CGRRF1: variants seen among roughly 807,000 people sequenced by gnomAD.
CGRRF1 encodes cell growth regulator with ring finger domain 1.
CGRRF1 carries 32 observed loss-of-function variants against 37.2 expected under a neutral mutation model. That is an observed-to-expected ratio of 0.86 (90% confidence interval 0.65 to 1.16). The LOEUF is 1.16. CGRRF1 is among the 50% of genes most tolerant of loss of function. CGRRF1 has a pLI of 0.00. For missense variants in CGRRF1, 391 were observed against 382.6 expected (o/e 1.02, Z -0.18); for synonymous variants, 141 against 140.3 (o/e 1.00, Z -0.04).
At chr14:54,518,734 C>T (rs777536472) in intron 1 of CGRRF1, among the ~76,000 whole-genome samples, 34 of 152,114 alleles carry the variant, frequency 2.2e-4, no homozygotes, top group Non-Finnish European at 3.5e-4. Context: ...TTGTTGGCTG[C>T]ATGAATGTCT....
At position 54,515,745 on chromosome 14, in the gene CGRRF1, T is replaced by C. The variant is rs979905190; in HGVS notation, c.104+5682T>C. 7.2e-5 allele frequency among the ~76,000 whole-genome samples: 11 copies of C among 152,350 alleles called. 1 individual carries two copies. In the East Asian group the frequency reaches 1.5e-3, roughly 21 times the overall value. ...TAATGTAGCTACTTCAGCTTTCTTT[T>C]GATTAGTGTTAGCATATACATCTTT... On this transcript the variant is annotated intron_variant, in intron 1 of 5. Coordinates refer to ENST00000216420, the MANE Select transcript of CGRRF1 (RefSeq NM_006568.3).
At chr14:54,521,479 C>T (rs904644778) in intron 1 of CGRRF1, among the ~76,000 whole-genome samples, 2 of 151,678 alleles carry the variant, frequency 1.3e-5, no homozygotes, top group Admixed American at 6.6e-5. Context: ...AAAAAAGTTC[C>T]GTTGTCCCAT....
At chr14:54,533,033 TC>T (rs1008089628) in intron 4 of CGRRF1, among the ~76,000 whole-genome samples, 10 of 151,844 alleles carry the variant, frequency 6.6e-5, no homozygotes, top group South Asian at 2.1e-4. Context: ...TCATTTTCCC[TC>T]CCAGCTTCCC....
intron 1 of CGRRF1, among the ~76,000 whole-genome samples, chr14:54,511,402 A>G (rs2140051867): frequency 6.6e-6 from 1 of 152,350 alleles, no homozygotes; most frequent in African/African-American, 2.4e-5. Context: ...GCTAATGTTC[A>G]TTACACAAAA....
At chr14:54,529,912 G>A (rs17127622) in intron 2 of CGRRF1, 137 bp from the exon 3 acceptor site, 36,683 of 582,916 alleles carry the variant, frequency 0.063, 2,328 homozygotes, top group East Asian at 0.27. Context: ...TTTATAGGAG[G>A]CATACCCTTT....
At position 54,509,949 on chromosome 14, in the gene CGRRF1, G is replaced by T. The variant is rs774726687; in HGVS notation, c.-11G>T. On this transcript the variant is annotated 5_prime_UTR_variant, in exon 1 of 6. Transcript: ENST00000216420. The stretch of plus-strand genomic sequence containing the variant: ...CGGCTGGAGCCGGGCTCTACCCAGA[G>T]CAAGACCCTGATGGCTGCGGTGTTT... The T allele has an allele frequency of 6.2e-7, 1 of 1,603,320 alleles. No individual in the cohort carries two copies. Among genetic ancestry groups the T allele is most frequent in the African/African-American group, 1.3e-5 (1 of 74,716 alleles).
intron 2 of CGRRF1, among the ~76,000 whole-genome samples, chr14:54,529,606 G>A (rs1164613426): frequency 6.6e-6 from 1 of 152,128 alleles, no homozygotes; most frequent in African/African-American, 2.4e-5. Flanking sequence ...TTACAACAGC[G>A]ATCATGTTGT....
At chr14:54,519,666 G>C (rs948548627) in intron 1 of CGRRF1, among the ~76,000 whole-genome samples, 14 of 152,152 alleles carry the variant, frequency 9.2e-5, no homozygotes, top group Non-Finnish European at 2.1e-4. Context: ...AGCCTATGCT[G>C]GTCTCCTTAG....
rs1041624100 is a variant in CGRRF1 at position 54,534,737 on chromosome 14, A to T, written c.571-2985A>T. The stretch of plus-strand genomic sequence containing the variant: ...TGTGTGTATTGATTGATTGGTTGAG[A>T]TAGGATCTTGCTCTATCACCAGGCT... On this transcript the variant is annotated intron_variant, in intron 4 of 5. Coordinates refer to ENST00000216420, the MANE Select transcript of CGRRF1 (RefSeq NM_006568.3). Among the ~76,000 whole-genome samples the T allele has an allele frequency of 4.6e-5, 7 of 152,224 alleles. 1 individual carries two copies. The highest frequency in any genetic ancestry group is 6.5e-5 in the Admixed American group (1 of 15,282).
At chr14:54,523,542 CTT>C (rs1225591124) in intron 2 of CGRRF1, among the ~76,000 whole-genome samples, 6 of 136,344 alleles carry the variant, frequency 4.4e-5, no homozygotes, top group Admixed American at 7.9e-5. Context: ...TTCCTTCCTC[CTT>C]TTTTTTTTTT....
chr14:54,512,171 C>G (rs994274270), intron 1 of CGRRF1, among the ~76,000 whole-genome samples: 1 of 152,176 alleles, frequency 6.6e-6, no homozygotes, highest in African/African-American at 2.4e-5. Flanking sequence ...ACCATCTCTA[C>G]TGTTCATGTG....
chr14:54,537,821 G>T lies in CGRRF1; in HGVS notation c.670G>T (p.Asp224Tyr), dbSNP rs1594659227. The stretch of plus-strand genomic sequence containing the variant: ...ACTCTTGGCTCAAGGTCAATTTCAT[G>T]ATCTTAAGGTAAGCCGTACTCTGTA... ...YLLLAQGQFH[D>Y]LKQLFMSANN... Residue 224 changes from aspartate (D) to tyrosine (Y), a missense_variant, in exon 5 of 6, where the codon GAT (aspartate) becomes TAT (tyrosine). Transcript: ENST00000216420. The T allele has an allele frequency of 6.2e-7, 1 of 1,601,718 alleles. No homozygotes were observed. The highest frequency in any genetic ancestry group is 8.5e-7 in the Non-Finnish European group (1 of 1,177,052).
At chr14:54,528,130 C>CT (rs930504638) in intron 2 of CGRRF1, among the ~76,000 whole-genome samples, 11 of 149,498 alleles carry the variant, frequency 7.4e-5, no homozygotes, top group African/African-American at 2.0e-4. Context: ...CTCTACCTTG[C>CT]TTTTTTTTCA....
At chr14:54,516,929 C>G (rs1382586445) in intron 1 of CGRRF1, among the ~76,000 whole-genome samples, 1 of 152,080 alleles carries the variant, frequency 6.6e-6, no homozygotes, top group African/African-American at 2.4e-5. Flanking sequence ...TGTGCAATAC[C>G]TAATCTGCTG....
In CGRRF1 at chr14:54,509,988, A is replaced by G. The variant is rs779199761; in HGVS notation, c.29A>G (p.Tyr10Cys). ...GCTGCGGTGTTTCTGGTAACGCTTT[A>G]TGAATACTCGCCGCTTTTCTACATC... MAAVFLVTL[Y>C]EYSPLFYIAV... The change falls in exon 1 of 6, where the codon TAT (tyrosine) becomes TGT (cysteine). Residue 10 changes from tyrosine (Y) to cysteine (C), a missense_variant. Coordinates refer to ENST00000216420, the MANE Select transcript of CGRRF1 (RefSeq NM_006568.3). 4 of 1,613,902 alleles carry G rather than the reference A, an allele frequency of 2.5e-6. No individual in the cohort carries two copies. The highest frequency in any genetic ancestry group is 3.4e-6 in the Non-Finnish European group (4 of 1,179,770).
At chr14:54,514,244 A>G (rs1419780574) in intron 1 of CGRRF1, among the ~76,000 whole-genome samples, 6 of 152,202 alleles carry the variant, frequency 3.9e-5, no homozygotes, top group Admixed American at 6.5e-5. Context: ...GCTAATTTAT[A>G]TCTGTGGAAT....
At chr14:54,516,109 A>T (rs190161862) in intron 1 of CGRRF1, among the ~76,000 whole-genome samples, 33 of 152,006 alleles carry the variant, frequency 2.2e-4, no homozygotes, top group Admixed American at 2.2e-3. Flanking sequence ...TTGTTGGTTT[A>T]TTAGCAATAA....
intron 1 of CGRRF1, among the ~76,000 whole-genome samples, chr14:54,521,461 CAA>C (rs140179261): frequency 5.8e-5 from 8 of 137,424 alleles, no homozygotes; most frequent in Admixed American, 7.3e-5. Context: ...AACTCCATCT[CAA>C]AAAAAAAAAA....
At chr14:54,523,521 T>A (rs1410799636) in intron 2 of CGRRF1, among the ~76,000 whole-genome samples, 1 of 151,198 alleles carries the variant, frequency 6.6e-6, no homozygotes, top group Non-Finnish European at 1.5e-5. Flanking sequence ...CTCTTACTTT[T>A]TTTTTCTTTA....
Sources: gnomAD v4.1 joint callset for allele counts (sites outside exome capture counted in the v4.1 genomes callset) on GRCh38, gnomAD v4.1.1 for gene constraint, MANE v1.5 for transcripts, NCBI Gene and HGNC (gene_info 2026-07-23, HGNC 2026-07-21) for gene names.